Variants in OR51B5 observed in about 807,000 individuals in gnomAD.
OR51B5 encodes the protein olfactory receptor family 51 subfamily B member 5.
For missense variants in OR51B5, 456 were observed against 374.6 expected (o/e 1.22, Z -1.79); for synonymous variants, 186 against 144.8 (o/e 1.28, Z -2.04).
At chr11:5,365,063 A>T (rs1849344761) in intron 1 of OR51B5, among the ~76,000 whole-genome samples, 1 of 152,236 alleles carries the variant, frequency 6.6e-6, no homozygotes, top group Non-Finnish European at 1.5e-5. Flanking sequence ...AGGGACACTC[A>T]ATAAAACCAA....
At chr11:5,377,688 T>C (rs1209419061) in intron 1 of OR51B5, among the ~76,000 whole-genome samples, 1 of 151,986 alleles carries the variant, frequency 6.6e-6, no homozygotes. Context: ...GAGAGCCAAA[T>C]CATGAGGGAA....
At chr11:5,435,751 C>A (rs1001440825) in intron 1 of OR51B5, among the ~76,000 whole-genome samples, 9 of 152,116 alleles carry the variant, frequency 5.9e-5, no homozygotes, top group Admixed American at 6.6e-5. Context: ...AATCAATAGT[C>A]CAGTGTAATA....
intron 1 of OR51B5, chr11:5,422,670 C>G: frequency 6.2e-7 from 1 of 1,613,998 alleles, no homozygotes; most frequent in Non-Finnish European, 8.5e-7. Flanking sequence ...TGTGTTCTGG[C>G]GGTTCTTCCC....
intron 1 of OR51B5, among the ~76,000 whole-genome samples, chr11:5,429,977 T>C (rs1850512145): frequency 6.6e-6 from 1 of 152,190 alleles, no homozygotes; most frequent in African/African-American, 2.4e-5. Context: ...GGTACATAAA[T>C]TCTGGGTGTG....
intron 1 of OR51B5, among the ~76,000 whole-genome samples, chr11:5,480,508 A>G (rs1241750820): frequency 6.6e-6 from 1 of 150,510 alleles, no homozygotes; most frequent in Non-Finnish European, 1.5e-5. Context: ...AACTAAAATC[A>G]GAGCAGAACT....
chr11:5,489,356 T>G, intron 1 of OR51B5: 1 of 1,614,058 alleles, frequency 6.2e-7, no homozygotes, highest in Middle Eastern at 1.6e-4. Flanking sequence ...TCCATTCTCA[T>G]TGCCATTTCC....
At chr11:5,432,877 G>A (rs765392373) in intron 1 of OR51B5, among the ~76,000 whole-genome samples, 7 of 152,114 alleles carry the variant, frequency 4.6e-5, no homozygotes, top group Non-Finnish European at 8.8e-5. Flanking sequence ...GATCTAGGTT[G>A]GAGTCATCAG....
At chr11:5,485,424 G>C (rs1324809405) in intron 1 of OR51B5, among the ~76,000 whole-genome samples, 1 of 152,162 alleles carries the variant, frequency 6.6e-6, no homozygotes, top group East Asian at 1.9e-4. Flanking sequence ...TTGCATCCCT[G>C]GTGCCGTCAG....
intron 1 of OR51B5, among the ~76,000 whole-genome samples, chr11:5,487,196 T>C (rs1851510466): frequency 6.6e-6 from 1 of 152,204 alleles, no homozygotes; most frequent in African/African-American, 2.4e-5. Context: ...ATTGGTCTTT[T>C]CATTGGTTAG....
intron 1 of OR51B5, chr11:5,453,872 C>A (rs1008809851): frequency 6.2e-7 from 1 of 1,614,214 alleles, no homozygotes; most frequent in African/African-American, 1.3e-5. Context: ...CCATTTGTGA[C>A]CCCTTGCGCT....
intron 1 of OR51B5, among the ~76,000 whole-genome samples, chr11:5,351,316 T>C (rs1182282927): frequency 6.6e-6 from 1 of 152,198 alleles, no homozygotes. Flanking sequence ...CTAAATAATA[T>C]CTTCTTTATA....
intron 1 of OR51B5, among the ~76,000 whole-genome samples, chr11:5,412,952 C>G (rs1222268446): frequency 6.6e-6 from 1 of 152,134 alleles, no homozygotes; most frequent in Non-Finnish European, 1.5e-5. Flanking sequence ...GTTCTCCCAG[C>G]ATGCAGCTGG....
rs568994589 is a variant in OR51B5, at chr11:5,465,447, G to C, written n.84+40122C>G. Among the ~76,000 whole-genome samples the C allele has an allele frequency of 1.0e-3, 158 of 151,974 alleles. 5 individuals are homozygous for C. The South Asian group carries it at 0.031, about 30-fold the overall frequency. ...ACCAATGACTTTCTTCACAGAATTG[G>C]AAAAAACTACTTTAAAGTTCATATG... On this transcript the variant is annotated intron_variant and non_coding_transcript_variant, in intron 1 of 4. Coordinates refer to the OR51B5 transcript ENST00000415970.
At chr11:5,430,667 T>C (rs1193932026) in intron 1 of OR51B5, 2 of 454,908 alleles carry the variant, frequency 4.4e-6, no homozygotes, top group South Asian at 1.6e-5. Context: ...AGCAATTCCC[T>C]CTTGCAGGAA....
chr11:5,403,157 T>TTATC (rs61459896), intron 1 of OR51B5: 61,068 of 471,164 alleles, frequency 0.13, 4,850 homozygotes, highest in African/African-American at 0.29. Flanking sequence ...CACCCCAATC[T>TTATC]TATCTATCTT....
chr11:5,488,887 C>G lies in OR51B5; in HGVS notation n.84+16682G>C, dbSNP rs199526639. The G allele has an allele frequency of 3.6e-5, 58 of 1,613,932 alleles. No homozygotes were observed. The highest frequency in any genetic ancestry group is 1.6e-4 in the Middle Eastern group (1 of 6,084). On this transcript the variant is annotated intron_variant and non_coding_transcript_variant, in intron 1 of 4. Coordinates refer to the OR51B5 transcript ENST00000415970. ...TGCCATGGACAATGCTCTTCATGCA[C>G]CTATGTACCTCTTCCTCTGCCTTCT...
At chr11:5,496,042 A>G (rs1312493778) in intron 1 of OR51B5, among the ~76,000 whole-genome samples, 1 of 151,980 alleles carries the variant, frequency 6.6e-6, no homozygotes, top group Non-Finnish European at 1.5e-5. Flanking sequence ...CACCGGTGTG[A>G]TAAGTCTGGT....
At chr11:5,476,162 A>C (rs2133804480) in intron 1 of OR51B5, among the ~76,000 whole-genome samples, 1 of 152,344 alleles carries the variant, frequency 6.6e-6, no homozygotes. Context: ...AGTAATCATG[A>C]CATCTCAGTG....
chr11:5,465,406 T>G (rs2133796853), intron 1 of OR51B5, among the ~76,000 whole-genome samples: 1 of 152,166 alleles, frequency 6.6e-6, no homozygotes, highest in South Asian at 2.1e-4. Flanking sequence ...TGTCTTCTTT[T>G]GAGAAGTGTC....
Sources: allele counts gnomAD v4.1 joint callset (sites outside exome capture counted in the v4.1 genomes callset), GRCh38; gene constraint gnomAD v4.1.1; transcripts MANE v1.5; gene names NCBI Gene and HGNC (gene_info 2026-07-23, HGNC 2026-07-21).